DISP1: variants seen among roughly 807,000 people sequenced by gnomAD.
DISP1 encodes dispatched RND transporter family member 1.
DISP1 carries 30 observed loss-of-function variants against 37.3 expected under a neutral mutation model. The ratio of observed to expected loss-of-function variants is 0.80; its 90% CI spans 0.60 to 1.09. The LOEUF (loss-of-function observed/expected upper bound fraction) is 1.09. DISP1 is among the 50% of genes least tolerant of loss of function. The probability of loss-of-function intolerance (pLI) is 0.00; values close to 1 mark genes in which losing one functional copy is unlikely to be tolerated. For missense variants in DISP1, 1,598 were observed against 1,879.5 expected (o/e 0.85, Z 2.77); for synonymous variants, 634 against 690.2 (o/e 0.92, Z 1.28).
rs749610405 is a variant in DISP1 at position 223,005,458 on chromosome 1, A to T, written c.4061A>T (p.Asn1354Ile). The T allele has an allele frequency of 1.2e-6, 2 of 1,613,510 alleles. No homozygotes were observed. Among genetic ancestry groups the T allele is most frequent in the African/African-American group, 2.7e-5 (2 of 74,870 alleles). The change falls in exon 9 of 9, where the codon AAT (asparagine) becomes ATT (isoleucine). Residue 1354 changes from asparagine (N) to isoleucine (I), a missense_variant. Coordinates refer to ENST00000675850, the MANE Select transcript of DISP1 (RefSeq NM_001377229.1). Reference protein sequence around the residue: ...PAGMQNSLPRNFFLHPVQHIQ... With the variant: ...PAGMQNSLPRIFFLHPVQHIQ... ...GGAATGCAGAATTCTCTGCCTAGGA[A>T]TTTTTTCCTCCACCCAGTGCAGCAC...
intron 1 of DISP1, chr1:222,837,457 TAAA>T (rs2125281174): frequency 6.0e-6 from 1 of 165,826 alleles, no homozygotes; most frequent in Non-Finnish European, 1.3e-5. Context: ...AACACTACCT[TAAA>T]GAGTTGTGAA....
intron 3 of DISP1, 97 bp downstream of exon 3, chr1:222,943,429 G>A: frequency 6.5e-7 from 1 of 1,539,310 alleles, no homozygotes; most frequent in South Asian, 1.1e-5. Context: ...AGAAAAATGA[G>A]GCACAGAAAG....
chr1:222,999,463 CTGT>C (rs1353082099), intron 8 of DISP1, among the ~76,000 whole-genome samples: 1 of 152,086 alleles, frequency 6.6e-6, no homozygotes, highest in Non-Finnish European at 1.5e-5. Context: ...TTCTGTGTTT[CTGT>C]ATCTCAGTCA....
At chr1:222,825,662 G>C (rs933696994) in intron 1 of DISP1, among the ~76,000 whole-genome samples, 1 of 151,840 alleles carries the variant, frequency 6.6e-6, no homozygotes, top group Admixed American at 6.6e-5. Context: ...CACCACACCT[G>C]GCTAATTTTT....
At chr1:222,852,252 T>A (rs1668301630) in intron 1 of DISP1, among the ~76,000 whole-genome samples, 1 of 151,012 alleles carries the variant, frequency 6.6e-6, no homozygotes, top group South Asian at 2.1e-4. Context: ...TTTTTTTTTT[T>A]AAAGCCTTCC....
At chr1:222,997,326 A>G (rs1200683427) in intron 8 of DISP1, among the ~76,000 whole-genome samples, 1 of 152,144 alleles carries the variant, frequency 6.6e-6, no homozygotes, top group Non-Finnish European at 1.5e-5. Context: ...AAGGATTCAC[A>G]ATCAGTAACA....
intron 1 of DISP1, among the ~76,000 whole-genome samples, chr1:222,919,378 T>C (rs1332889460): frequency 6.6e-6 from 1 of 152,202 alleles, no homozygotes; most frequent in East Asian, 1.9e-4. Context: ...CATTGAAGCC[T>C]GTTAGCAATA....
At chr1:222,873,840 C>T (rs1438157259) in intron 1 of DISP1, among the ~76,000 whole-genome samples, 1 of 152,092 alleles carries the variant, frequency 6.6e-6, no homozygotes, top group Non-Finnish European at 1.5e-5. Flanking sequence ...TTATTTTGCT[C>T]ATTAGTTGAT....
At position 222,991,710 on chromosome 1, in the gene DISP1, A is replaced by C; in HGVS notation, c.791+63A>C. Reference sequence around the variant, plus strand: ...AACATTGCTGAATGAATTCCTCTTCAAATACTGCCTAAACAAAAAATTTAA... The same window carrying C: ...AACATTGCTGAATGAATTCCTCTTCCAATACTGCCTAAACAAAAAATTTAA... On this transcript the variant is annotated intron_variant, in intron 6 of 8. Transcript: ENST00000675850. 4 of 1,538,118 alleles carry C rather than the reference A, an allele frequency of 2.6e-6. No homozygotes were observed. In the South Asian group the frequency reaches 4.7e-5, roughly 18 times the overall value.
chr1:222,942,073 T>C (rs539788690), intron 2 of DISP1, among the ~76,000 whole-genome samples: 6 of 151,750 alleles, frequency 4.0e-5, no homozygotes, highest in Admixed American at 3.9e-4. Flanking sequence ...TTCCTTTATA[T>C]TGAAGCCCTG....
At chr1:222,979,240 T>G (rs1425503941) in intron 3 of DISP1, among the ~76,000 whole-genome samples, 4 of 151,920 alleles carry the variant, frequency 2.6e-5, no homozygotes, top group Non-Finnish European at 5.9e-5. Flanking sequence ...AGACCCCACA[T>G]CTACAAATAA....
chr1:222,964,170 G>A (rs1305668823), intron 3 of DISP1, among the ~76,000 whole-genome samples: 1 of 151,884 alleles, frequency 6.6e-6, no homozygotes, highest in African/African-American at 2.4e-5. Flanking sequence ...ATGGTGGTGG[G>A]CACCTGTAGT....
intron 8 of DISP1, among the ~76,000 whole-genome samples, chr1:222,999,859 C>G (rs986044452): frequency 6.6e-6 from 1 of 152,110 alleles, no homozygotes; most frequent in Admixed American, 6.6e-5. Flanking sequence ...TATGAGTTCT[C>G]GAAAACTGGT....
intron 3 of DISP1, among the ~76,000 whole-genome samples, chr1:222,965,099 T>C (rs1179952281): frequency 6.6e-6 from 1 of 152,144 alleles, no homozygotes; most frequent in East Asian, 1.9e-4. Context: ...CACCTTCTAC[T>C]TTATGAAAAC....
In DISP1 at chr1:222,906,767, GCTC is replaced by G. The variant is rs1297288938; in HGVS notation, c.-158-21659_-158-21657del. Among the ~76,000 whole-genome samples the G allele has an allele frequency of 2.6e-5, 4 of 152,316 alleles. No homozygotes were observed. In the East Asian group the frequency reaches 7.7e-4, roughly 29 times the overall value. Reference sequence around the variant, plus strand: ...AAATGGGCAACCAGCAGCCCTCTGGGCTCCTCTGCCTATGAGAGTAGCCATTCT... The same window carrying G: ...AAATGGGCAACCAGCAGCCCTCTGGGCTCTGCCTATGAGAGTAGCCATTCT... On this transcript the variant is annotated intron_variant, in intron 1 of 8. Transcript: ENST00000675850.
intron 1 of DISP1, among the ~76,000 whole-genome samples, chr1:222,825,443 C>G (rs1030889423): frequency 6.6e-6 from 1 of 151,010 alleles, no homozygotes; most frequent in Non-Finnish European, 1.5e-5. Flanking sequence ...GCAGTAGATC[C>G]TTTTTTAACT....
At chr1:222,974,791 G>C (rs1453651919) in intron 3 of DISP1, among the ~76,000 whole-genome samples, 1 of 152,214 alleles carries the variant, frequency 6.6e-6, no homozygotes, top group East Asian at 1.9e-4. Context: ...TCATGATAGA[G>C]CCCAAGTGTG....
chr1:222,830,087 G>A (rs1025064254), intron 1 of DISP1, among the ~76,000 whole-genome samples: 6 of 152,148 alleles, frequency 3.9e-5, no homozygotes, highest in African/African-American at 1.4e-4. Context: ...TGCACAGCCA[G>A]TACAAACTCC....
Position 222,893,432 on chromosome 1 carries a change from C to T in DISP1, c.-158-34998C>T, listed in dbSNP as rs1671047070. ...TCGACCTGGCAGGCTGTGCTTGGCTCATGCTACCGGCCCGGATCCCACACC... is the reference window on the plus strand; with the variant it reads ...TCGACCTGGCAGGCTGTGCTTGGCTTATGCTACCGGCCCGGATCCCACACC... On this transcript the variant is annotated intron_variant, in intron 1 of 8. Transcript: ENST00000675850. The surrounding 1 kb of genome is among the most constrained non-coding windows in gnomAD (Gnocchi z 4.3). Among the ~76,000 whole-genome samples, 1 of 152,202 alleles carries T rather than the reference C, an allele frequency of 6.6e-6. No homozygotes were observed. Among genetic ancestry groups the T allele is most frequent in the South Asian group, 2.1e-4 (1 of 4,826 alleles).
Sources: allele counts gnomAD v4.1 joint callset (sites outside exome capture counted in the v4.1 genomes callset), GRCh38; gene constraint gnomAD v4.1.1; non-coding constraint Gnocchi (gnomAD v3.1); transcripts MANE v1.5; gene names NCBI Gene and HGNC (gene_info 2026-07-23, HGNC 2026-07-21).